RALGAPB: variants seen among roughly 807,000 people sequenced by gnomAD.
The protein encoded by RALGAPB is ral GTPase-activating protein subunit beta.
Under a neutral mutation model 161.1 loss-of-function variants are expected in RALGAPB, and 25 were observed. That is an observed-to-expected ratio of 0.16 (90% confidence interval 0.11 to 0.22). RALGAPB has a LOEUF of 0.22. RALGAPB is among the 10% of genes least tolerant of loss of function. The pLI, the probability that RALGAPB is intolerant of heterozygous loss-of-function variation, is 1.00. For synonymous variants in RALGAPB, 629 were observed against 626.1 expected, an observed-to-expected ratio of 1.00 and a Z score of -0.07; for missense variants, 1,391 against 1,815.2, an observed-to-expected ratio of 0.77 and a Z score of 4.25.
chr20:38,570,119 G>T, intron 27 of RALGAPB, 123 bp downstream of exon 27: 1 of 709,174 alleles, frequency 1.4e-6, no homozygotes. Flanking sequence ...AGTTCAGCAA[G>T]CCTTGGTTTG....
In RALGAPB at chr20:38,517,591, C is replaced by T. The variant is rs1323415489; in HGVS notation, c.1137C>T (p.Thr379=). The T allele has an allele frequency of 4.3e-6, 7 of 1,613,716 alleles. No homozygotes were observed. The African/African-American group carries it at 6.7e-5, about 15-fold the overall frequency. Residue 379 remains threonine, a synonymous_variant, in exon 8 of 30, where the codon ACC becomes ACT. Transcript: ENST00000262879. ...SMPQSAAVST[T]PPHNRRHRAV... ...CTCAAAGTGCTGCTGTCAGTACCAC[C>T]CCCCCACATAACCGGAGGCACCGGG...
At chr20:38,495,721 C>T (rs571954217) in intron 3 of RALGAPB, among the ~76,000 whole-genome samples, 56 of 152,056 alleles carry the variant, frequency 3.7e-4, no homozygotes, top group Non-Finnish European at 6.9e-4. Context: ...AAAGGGAAAT[C>T]TCTGGTGTTT....
At chr20:38,479,314 T>C (rs2084895762) in intron 1 of RALGAPB, among the ~76,000 whole-genome samples, 1 of 152,228 alleles carries the variant, frequency 6.6e-6, no homozygotes, top group South Asian at 2.1e-4. Context: ...AATTGTTTTT[T>C]GTAATGAGAC....
intron 1 of RALGAPB, among the ~76,000 whole-genome samples, chr20:38,482,219 A>T (rs1265743374): frequency 6.6e-6 from 1 of 152,224 alleles, no homozygotes; most frequent in Non-Finnish European, 1.5e-5. Context: ...GTAGTGGATC[A>T]TAAAGGTCTT....
chr20:38,534,783 A>G (rs2086753548), intron 15 of RALGAPB, among the ~76,000 whole-genome samples: 3 of 152,196 alleles, frequency 2.0e-5, no homozygotes, highest in Non-Finnish European at 2.9e-5. Context: ...TAATTTAGAA[A>G]CTTTAAATTA....
intron 3 of RALGAPB, among the ~76,000 whole-genome samples, chr20:38,496,970 A>G (rs2085444767): frequency 6.6e-6 from 1 of 152,206 alleles, no homozygotes; most frequent in Non-Finnish European, 1.5e-5. Context: ...TACCAAGGCC[A>G]TTCTGCTTCA....
Position 38,525,535 on chromosome 20 carries a change from G to GT in RALGAPB, c.1902+24dup. On this transcript the variant is annotated intron_variant, in intron 12 of 29. Coordinates refer to ENST00000262879, the MANE Select transcript of RALGAPB (RefSeq NM_020336.4). Reference sequence around the variant, plus strand: ...AAATCTGAGGTAATGTTTTGTTAAAGTTTTTTTATATCCTATATTCTGTTT... The same window carrying GT: ...AAATCTGAGGTAATGTTTTGTTAAAGTTTTTTTTATATCCTATATTCTGTTT... 1 of 1,521,992 alleles carries GT rather than the reference G, an allele frequency of 6.6e-7. No individual in the cohort carries two copies. The highest frequency in any genetic ancestry group is 2.3e-5 in the East Asian group (1 of 44,340). The allele number at this position is 1,521,992 out of a possible 1,614,324, so 94.3% of individuals were successfully genotyped here. A position where few individuals can be genotyped will look rare whatever the true frequency, so the allele number is the denominator to read the frequency against.
Position 38,524,821 on chromosome 20 carries a change from G to A in RALGAPB, c.1663G>A (p.Val555Met), listed in dbSNP as rs1303343079. Residue 555 changes from valine (V) to methionine (M), a missense_variant, in exon 11 of 30, where the codon GTG becomes ATG. Physicochemically the swap from Val to Met is conservative, Grantham distance 21 (BLOSUM62 1). Around this residue, in one of 3 missense-constraint regions of RALGAPB, gnomAD observed 946 missense variants for 1,257.2 expected, o/e 0.75. Coordinates refer to ENST00000262879, the MANE Select transcript of RALGAPB (RefSeq NM_020336.4). ...LIQGLQINDYVCHPVLASVIL... is the reference protein window; with the variant it reads ...LIQGLQINDYMCHPVLASVIL... ...TCAAGGTTTGCAGATAAATGATTAT[G>A]TGTGCCATCCTGTCTTGGCCAGCGT... 1.2e-6 allele frequency: 2 copies of A among 1,609,854 alleles called. No individual in the cohort carries two copies. The highest frequency in any genetic ancestry group is 2.2e-5 in the South Asian group (2 of 90,974).
chr20:38,574,075 G>A (rs771515304), intron 28 of RALGAPB, 75 bp from the exon 29 acceptor site: 119 of 1,438,528 alleles, frequency 8.3e-5, no homozygotes, highest in Non-Finnish European at 1.1e-4. Flanking sequence ...GGCTATATGT[G>A]GGGGACTTCA....
chr20:38,525,564 G>A (rs536692342), intron 12 of RALGAPB, 46 bp downstream of exon 12: 32 of 1,364,322 alleles, frequency 2.3e-5, no homozygotes, highest in Non-Finnish European at 3.1e-5. Flanking sequence ...TCTGTTTTTT[G>A]TACTAATTTA....
intron 2 of RALGAPB, among the ~76,000 whole-genome samples, chr20:38,492,042 A>T (rs1483659236): frequency 6.6e-6 from 1 of 152,244 alleles, no homozygotes; most frequent in African/African-American, 2.4e-5. Context: ...AGATGGAGAC[A>T]TATAGCTCAG....
At chr20:38,485,013 C>G (rs2082136091) in intron 1 of RALGAPB, among the ~76,000 whole-genome samples, 1 of 152,036 alleles carries the variant, frequency 6.6e-6, no homozygotes. Flanking sequence ...TGTGATTTTT[C>G]TAGAGTTGTG....
rs150757173 is a variant in RALGAPB, at chr20:38,498,949, G to T, written c.554-498G>T. On this transcript the variant is annotated intron_variant, in intron 4 of 29. Coordinates refer to ENST00000262879, the MANE Select transcript of RALGAPB (RefSeq NM_020336.4). ...TTTGTTGTGATTCCTTCACTTACTG[G>T]CTGCATGAAGTCGGAGAAGTTACTT... 2.0e-4 allele frequency among the ~76,000 whole-genome samples: 30 copies of T among 152,306 alleles called. No individual in the cohort carries two copies. In the Middle Eastern group the frequency reaches 0.014, roughly 69 times the overall value.
chr20:38,534,899 C>A (rs1321555455), intron 15 of RALGAPB, among the ~76,000 whole-genome samples, 175 bp from the exon 16 acceptor site: 4 of 152,154 alleles, frequency 2.6e-5, no homozygotes, highest in Non-Finnish European at 4.4e-5. Flanking sequence ...GCCTGTGCAC[C>A]GTGTAGTCAG....
intron 1 of RALGAPB, among the ~76,000 whole-genome samples, chr20:38,481,506 A>G (rs1203820771): frequency 6.6e-6 from 1 of 152,214 alleles, no homozygotes; most frequent in Non-Finnish European, 1.5e-5. Context: ...GTTTTTAAAA[A>G]GCCATCAGAT....
chr20:38,497,028 A>G (rs756057532), intron 3 of RALGAPB, among the ~76,000 whole-genome samples: 28 of 152,232 alleles, frequency 1.8e-4, no homozygotes, highest in Admixed American at 1.8e-3. Flanking sequence ...TCATTCAACA[A>G]AAACCTATTG....
At chr20:38,513,135 A>G (rs1001085861) in intron 6 of RALGAPB, among the ~76,000 whole-genome samples, 4 of 151,160 alleles carry the variant, frequency 2.6e-5, no homozygotes, top group Admixed American at 1.3e-4. Flanking sequence ...TTGGAGGCCA[A>G]CGCGGGTAGA....
chr20:38,574,895 G>C lies in RALGAPB; in HGVS notation c.4413G>C (p.Arg1471=), dbSNP rs764241566. Residue 1471 remains arginine, a synonymous_variant, in exon 30 of 30, where the codon CGG becomes CGC. Transcript: ENST00000262879. ...QKITDIVNKY[R]NKQLEPEFYT... Reference sequence around the variant, plus strand: ...TCACCGACATTGTCAACAAGTACCGGAACAAGCAGCTGGAGCCAGAGTTTT... The same window carrying C: ...TCACCGACATTGTCAACAAGTACCGCAACAAGCAGCTGGAGCCAGAGTTTT... 1.2e-6 allele frequency: 2 copies of C among 1,614,082 alleles called. No homozygotes were observed. The highest frequency in any genetic ancestry group is 2.2e-5 in the South Asian group (2 of 91,084).
intron 15 of RALGAPB, among the ~76,000 whole-genome samples, chr20:38,533,867 A>G (rs1387587649): frequency 6.6e-6 from 1 of 152,128 alleles, no homozygotes; most frequent in Non-Finnish European, 1.5e-5. Context: ...GGCTGGGCGC[A>G]GTGGCTCACT....
Sources: gnomAD v4.1 joint callset for allele counts (sites outside exome capture counted in the v4.1 genomes callset) on GRCh38, gnomAD v4.1.1 for gene constraint, gnomAD v4.1.1 regional missense constraint, MANE v1.5 for transcripts, NCBI Gene and HGNC (gene_info 2026-07-23, HGNC 2026-07-21) for gene names.